LRRC4C: variants seen among roughly 807,000 people sequenced by gnomAD.
The protein encoded by LRRC4C is leucine rich repeat containing 4C, also known as leucine-rich repeat-containing protein 4C.
In LRRC4C, 5 loss-of-function variants were observed where a neutral mutation model predicts 33.6. The observed-to-expected ratio is 0.15, with a 90% CI of 0.08 to 0.31. The LOEUF (loss-of-function observed/expected upper bound fraction) is 0.31, where lower values mean the gene tolerates loss of function less well. Among genes scored for constraint, LRRC4C ranks in the 10% least tolerant of loss-of-function variants. The pLI, the probability that LRRC4C is intolerant of heterozygous loss-of-function variation, is 1.00. For synonymous variants in LRRC4C, 329 were observed against 302.0 expected (o/e 1.09, Z -0.93); for missense variants, 560 against 796.7 (o/e 0.70, Z 3.58).
intron 1 of LRRC4C, among the ~76,000 whole-genome samples, chr11:40,935,703 C>T (rs1957849438): frequency 1.3e-5 from 2 of 151,888 alleles, no homozygotes; most frequent in Admixed American, 1.3e-4. Flanking sequence ...CCTAATGACA[C>T]ATATTTTTAG....
At chr11:40,843,442 C>A (rs1953007487) in intron 2 of LRRC4C, among the ~76,000 whole-genome samples, 1 of 152,112 alleles carries the variant, frequency 6.6e-6, no homozygotes, top group Non-Finnish European at 1.5e-5. Flanking sequence ...CTCACCTGAG[C>A]CATCATTATC....
chr11:40,991,092 A>C lies in LRRC4C; in HGVS notation c.-495-57369T>G, dbSNP rs935432870. ...GTGAGTCTATTACAAAAAAAAAAAA[A>C]AGAAAATGGACATTATTTATCACTA... On this transcript the variant is annotated intron_variant, in intron 1 of 6. Transcript: ENST00000528697. Among the ~76,000 whole-genome samples, 5 of 151,552 alleles carry C rather than the reference A, an allele frequency of 3.3e-5. No individual in the cohort carries two copies. In the East Asian group the frequency reaches 9.7e-4, roughly 29 times the overall value.
At chr11:40,860,389 TCAG>T in intron 2 of LRRC4C, among the ~76,000 whole-genome samples, 1 of 10,680 alleles carries the variant, frequency 9.4e-5, no homozygotes, top group East Asian at 4.3e-3. Context: ...AATTAAGATG[TCAG>T]TGGAAACATG....
chr11:40,343,194 G>A (rs999887680), intron 3 of LRRC4C, among the ~76,000 whole-genome samples: 5 of 152,042 alleles, frequency 3.3e-5, no homozygotes, highest in African/African-American at 7.2e-5. Context: ...ACTTTGACAT[G>A]TTTGCTAAGA....
intron 3 of LRRC4C, among the ~76,000 whole-genome samples, chr11:40,522,267 C>T (rs555836877): frequency 1.1e-4 from 16 of 152,300 alleles, no homozygotes; most frequent in South Asian, 4.1e-4. Flanking sequence ...TGACCTCAGG[C>T]GATCCACCCA....
intron 3 of LRRC4C, among the ~76,000 whole-genome samples, chr11:40,450,575 G>A (rs1951838191): frequency 6.6e-6 from 1 of 152,030 alleles, no homozygotes; most frequent in Non-Finnish European, 1.5e-5. Context: ...AAGTAGGAGT[G>A]TACTACTGTT....
intron 5 of LRRC4C, among the ~76,000 whole-genome samples, chr11:40,163,561 T>C (rs557539248): frequency 2.0e-5 from 3 of 152,314 alleles, no homozygotes; most frequent in East Asian, 1.9e-4. Context: ...TGTATATGTA[T>C]GAGTATGTAT....
At chr11:41,037,490 C>T (rs982871604) in intron 1 of LRRC4C, among the ~76,000 whole-genome samples, 1 of 151,902 alleles carries the variant, frequency 6.6e-6, no homozygotes, top group Non-Finnish European at 1.5e-5. Context: ...AGGTGTGAGC[C>T]ACTGTGCCTG....
At chr11:41,351,096 C>G (rs1056727037) in intron 1 of LRRC4C, among the ~76,000 whole-genome samples, 1 of 152,018 alleles carries the variant, frequency 6.6e-6, no homozygotes, top group African/African-American at 2.4e-5. Flanking sequence ...AGCCAAGCAC[C>G]ATGGTGTGTG....
At chr11:40,423,976 A>G (rs1950621243) in intron 3 of LRRC4C, among the ~76,000 whole-genome samples, 1 of 152,192 alleles carries the variant, frequency 6.6e-6, no homozygotes, top group Non-Finnish European at 1.5e-5. Context: ...AAAATTTATA[A>G]AAACTCATGT....
chr11:41,256,287 C>T (rs1948796802), intron 1 of LRRC4C, among the ~76,000 whole-genome samples: 1 of 151,926 alleles, frequency 6.6e-6, no homozygotes, highest in African/African-American at 2.4e-5. Context: ...GGAAAATGAG[C>T]AAGTCTCACT....
At chr11:40,281,113 A>G (rs1943445067) in intron 4 of LRRC4C, among the ~76,000 whole-genome samples, 1 of 152,144 alleles carries the variant, frequency 6.6e-6, no homozygotes, top group Non-Finnish European at 1.5e-5. Context: ...GGGGAATTGA[A>G]AAACATGTAA....
At chr11:41,083,669 A>G (rs1939744135) in intron 1 of LRRC4C, among the ~76,000 whole-genome samples, 1 of 152,200 alleles carries the variant, frequency 6.6e-6, no homozygotes, top group African/African-American at 2.4e-5. Context: ...GTCAGGCGAA[A>G]AAAATTTAAA....
chr11:41,283,541 G>A (rs1949733589), intron 1 of LRRC4C, among the ~76,000 whole-genome samples: 1 of 152,164 alleles, frequency 6.6e-6, no homozygotes, highest in Non-Finnish European at 1.5e-5. Context: ...ATTCTGACCT[G>A]TGAAAATTGT....
chr11:41,427,175 G>C (rs1955070646), intron 1 of LRRC4C, among the ~76,000 whole-genome samples: 1 of 152,104 alleles, frequency 6.6e-6, no homozygotes, highest in Non-Finnish European at 1.5e-5. Context: ...ATTTGAAATT[G>C]GGAGTCTTAT....
chr11:41,158,396 A>G (rs1482217150), intron 1 of LRRC4C, among the ~76,000 whole-genome samples: 2 of 152,140 alleles, frequency 1.3e-5, no homozygotes, highest in Non-Finnish European at 2.9e-5. Context: ...AATTTAGCTC[A>G]AGACAAATAA....
intron 1 of LRRC4C, among the ~76,000 whole-genome samples, chr11:41,025,281 G>A (rs1856264949): frequency 6.6e-6 from 1 of 151,626 alleles, no homozygotes; most frequent in African/African-American, 2.4e-5. Flanking sequence ...TTAAAAGCTA[G>A]GCCTCTTGTG....
At chr11:41,255,532 C>T (rs951905243) in intron 1 of LRRC4C, among the ~76,000 whole-genome samples, 1 of 151,908 alleles carries the variant, frequency 6.6e-6, no homozygotes, top group Non-Finnish European at 1.5e-5. Context: ...TTTTAATCCC[C>T]TTAAATCTTT....
intron 2 of LRRC4C, among the ~76,000 whole-genome samples, chr11:40,662,014 A>G (rs1015826616): frequency 5.9e-5 from 9 of 152,262 alleles, no homozygotes; most frequent in African/African-American, 2.2e-4. Flanking sequence ...ACAAATGGAC[A>G]GTATGTGTGT....
Sources: allele counts gnomAD v4.1 joint callset (sites outside exome capture counted in the v4.1 genomes callset), GRCh38; gene constraint gnomAD v4.1.1; transcripts MANE v1.5; gene names NCBI Gene and HGNC (gene_info 2026-07-23, HGNC 2026-07-21).